Variants in WDR36 observed in about 807,000 individuals in gnomAD.
The protein encoded by WDR36 is WD repeat domain 36.
WDR36 carries 63 observed loss-of-function variants against 112.7 expected under a neutral mutation model. The observed-to-expected ratio is 0.56, with a 90% confidence interval of 0.46 to 0.69. The LOEUF (loss-of-function observed/expected upper bound fraction) is 0.69, where lower values mean the gene tolerates loss of function less well. WDR36 is among the 30% of genes least tolerant of loss of function. WDR36 has a pLI of 0.00. For synonymous variants in WDR36, 410 were observed against 362.2 expected, an observed-to-expected ratio of 1.13 and a Z score of -1.50; for missense variants, 1,226 against 1,070.3, an observed-to-expected ratio of 1.15 and a Z score of -2.03.
In WDR36 at chr5:111,130,092, G is replaced by A. The variant is rs1753761134; in HGVS notation, c.*3209G>A. The A allele has an allele frequency of 4.8e-6, 1 of 210,116 alleles. No individual in the cohort carries two copies. Among genetic ancestry groups the A allele is most frequent in the African/African-American group, 2.3e-5 (1 of 44,046 alleles). The allele number at this position is 210,116 out of a possible 1,614,324, so 13.0% of individuals were successfully genotyped here. On this transcript the variant is annotated 3_prime_UTR_variant, in exon 23 of 23. Coordinates refer to ENST00000513710, the MANE Select transcript of WDR36 (RefSeq NM_139281.3). ...TTCTATAAAAATTGGTTAACTGCTG[G>A]TGAGCACATCTCTTGAAGTTTTGAT...
At chr5:111,100,896 T>C (rs181468721) in intron 5 of WDR36, among the ~76,000 whole-genome samples, 175 bp downstream of exon 5, 1 of 151,890 alleles carries the variant, frequency 6.6e-6, no homozygotes, top group Non-Finnish European at 1.5e-5. Context: ...ATCAAAAATA[T>C]TCAAGGAAAA....
At chr5:111,116,011 C>T (rs892137590) in intron 16 of WDR36, among the ~76,000 whole-genome samples, 13 of 151,638 alleles carry the variant, frequency 8.6e-5, no homozygotes, top group Admixed American at 7.2e-4. Flanking sequence ...GGTACGATCT[C>T]GGCTCAGTGC....
intron 1 of WDR36, 146 bp from the exon 2 acceptor site, chr5:111,094,774 T>C: frequency 3.0e-6 from 2 of 676,986 alleles, no homozygotes; most frequent in Non-Finnish European, 5.0e-6. Flanking sequence ...ACTTTCCTAA[T>C]AAAGAAAATT....
At position 111,113,153 on chromosome 5, in the gene WDR36, G is replaced by C; in HGVS notation, c.1796G>C (p.Cys599Ser). Residue 599 changes from cysteine to serine, a missense_variant and splice_region_variant, in exon 16 of 23, where the codon TGC becomes TCC. Transcript: ENST00000513710. ...AGGACTTGGGACCTTCCTTCTGGGT[G>C]GTAAGTTTATATTTCTAATTCCCTA... ...SIRTWDLPSG[C>S]LIDCFLLDSA... The C allele has an allele frequency of 6.3e-7, 1 of 1,576,416 alleles. No homozygotes were observed. Among genetic ancestry groups the C allele is most frequent in the Non-Finnish European group, 8.7e-7 (1 of 1,153,356 alleles).
In WDR36 at chr5:111,125,521, A is replaced by G. The variant is rs915779370; in HGVS notation, c.2351-87A>G. On this transcript the variant is annotated intron_variant, in intron 21 of 22. Coordinates refer to ENST00000513710, the MANE Select transcript of WDR36 (RefSeq NM_139281.3). ...AGAATTTCCTGTACCATTTAAATAT[A>G]TCCTATTTGGGGTATAAAAGGAAAA... 31 of 1,314,274 alleles carry G rather than the reference A, an allele frequency of 2.4e-5. No homozygotes were observed. In the Middle Eastern group the frequency reaches 5.6e-4, roughly 24 times the overall value. The allele number at this position is 1,314,274 out of a possible 1,614,324, so 81.4% of individuals were successfully genotyped here.
intron 4 of WDR36, among the ~76,000 whole-genome samples, chr5:111,099,102 T>C (rs1282321869): frequency 6.6e-6 from 1 of 152,176 alleles, no homozygotes; most frequent in Non-Finnish European, 1.5e-5. Flanking sequence ...TTTAATGATT[T>C]GTTGTATTGT....
chr5:111,096,327 G>A lies in WDR36; in HGVS notation c.191-752G>A, dbSNP rs775790266. 4.6e-5 allele frequency among the ~76,000 whole-genome samples: 7 copies of A among 152,296 alleles called. No homozygotes were observed. In the East Asian group the frequency reaches 1.2e-3, roughly 25 times the overall value. On this transcript the variant is annotated intron_variant, in intron 2 of 22. Transcript: ENST00000513710. The stretch of plus-strand genomic sequence containing the variant: ...TACCATATGTAATATTTTTGGGTTG[G>A]TCCAAAGGGTAGAGTTAGAGATTTA...
Position 111,104,298 on chromosome 5 carries a change from A to T in WDR36, c.852A>T (p.Thr284=). ...NAHSTAIAGL[T]FLHREPLLVT... is the part of the protein sequence containing the mutation. Reference sequence around the variant, plus strand: ...ACTCTACAGCAATTGCCGGACTGACATTTCTCCATAGAGAGCCACTTCTTG... The same window carrying T: ...ACTCTACAGCAATTGCCGGACTGACTTTTCTCCATAGAGAGCCACTTCTTG... The change falls in exon 8 of 23, where the codon ACA becomes ACT. Residue 284 remains threonine (T), a synonymous_variant. Coordinates refer to ENST00000513710, the MANE Select transcript of WDR36 (RefSeq NM_139281.3). The T allele has an allele frequency of 6.2e-7, 1 of 1,612,152 alleles. No individual in the cohort carries two copies. Among genetic ancestry groups the T allele is most frequent in the Non-Finnish European group, 8.5e-7 (1 of 1,178,578 alleles).
chr5:111,121,282 C>A, intron 19 of WDR36, 141 bp downstream of exon 19: 1 of 855,530 alleles, frequency 1.2e-6, no homozygotes, highest in Non-Finnish European at 1.9e-6. Context: ...GCTATTTAAT[C>A]AAATATTGTT....
At chr5:111,102,212 A>G (rs533403539) in intron 5 of WDR36, 133 bp from the exon 6 acceptor site, 2 of 709,430 alleles carry the variant, frequency 2.8e-6, no homozygotes, top group Non-Finnish European at 4.7e-6. Context: ...TAGCTTAATC[A>G]TCAGAATAGT....
intron 5 of WDR36, among the ~76,000 whole-genome samples, chr5:111,101,193 G>A (rs913560341): frequency 1.3e-5 from 2 of 151,812 alleles, no homozygotes; most frequent in Non-Finnish European, 2.9e-5. Context: ...GTTGTTGCTG[G>A]TGGCATCACA....
intron 12 of WDR36, among the ~76,000 whole-genome samples, chr5:111,107,846 G>A (rs558342261): frequency 1.3e-5 from 2 of 151,394 alleles, no homozygotes; most frequent in South Asian, 4.1e-4. Flanking sequence ...TGATCTGTAT[G>A]TCTGTTCTTA....
rs1278455773 is a variant in WDR36 at position 111,097,110 on chromosome 5, GGCA to G, written c.225_227del (p.Ala76del). On this transcript the variant is annotated inframe_deletion, in exon 3 of 23. Coordinates refer to ENST00000513710, the MANE Select transcript of WDR36 (RefSeq NM_139281.3). ...CTGTTCCACAGGATATCTGCTGTAT[GGCA>G]GCTGATGGCAGATTAGTCTTTGCTG... is the stretch of plus-strand genomic sequence containing the variant. 6.2e-7 allele frequency: 1 copy of G among 1,613,478 alleles called. No individual in the cohort carries two copies. Among genetic ancestry groups the G allele is most frequent in the East Asian group, 2.2e-5 (1 of 44,818 alleles).
intron 11 of WDR36, among the ~76,000 whole-genome samples, chr5:111,106,674 G>C (rs79411074): frequency 0.021 from 3,174 of 151,490 alleles, 51 homozygotes; most frequent in Non-Finnish European, 0.03. Flanking sequence ...CTCAGAGCTT[G>C]AGTCATGTTT....
At position 111,123,883 on chromosome 5, in the gene WDR36, C is replaced by T. The variant is rs565593961; in HGVS notation, c.2227C>T (p.Pro743Ser). ...FFIPTIPGLV[P>S]RYAAPEQNND... The stretch of plus-strand genomic sequence containing the variant: ...CATTCCAACAATTCCTGGCCTTGTA[C>T]CCAGATATGCTGCACCTGAACAAAA... Residue 743 changes from proline to serine, a missense_variant, in exon 20 of 23, where the codon CCC becomes TCC. By Grantham distance (74) the Pro-to-Ser change is moderately conservative. Coordinates refer to ENST00000513710, the MANE Select transcript of WDR36 (RefSeq NM_139281.3). 1 of 1,613,830 alleles carries T rather than the reference C, an allele frequency of 6.2e-7. No homozygotes were observed. Among genetic ancestry groups the T allele is most frequent in the Admixed American group, 1.7e-5 (1 of 60,014 alleles).
At chr5:111,100,011 G>A (rs535530025) in intron 4 of WDR36, among the ~76,000 whole-genome samples, 1 of 151,828 alleles carries the variant, frequency 6.6e-6, no homozygotes, top group Non-Finnish European at 1.5e-5. Flanking sequence ...TTTTATCTTG[G>A]AGCAAGTGAC....
At chr5:111,115,872 A>T (rs770288086) in intron 16 of WDR36, among the ~76,000 whole-genome samples, 3 of 152,128 alleles carry the variant, frequency 2.0e-5, no homozygotes, top group Non-Finnish European at 4.4e-5. Flanking sequence ...TAAAATTATC[A>T]TTCCTCTGCC....
Position 111,098,853 on chromosome 5 carries a change from C to T in WDR36, c.409+14C>T. The T allele has an allele frequency of 2.0e-6, 3 of 1,490,716 alleles. No individual in the cohort carries two copies. The allele number at this position is 1,490,716 out of a possible 1,614,324, so 92.3% of individuals were successfully genotyped here. ...TATATTCAGAAGGTAAGAGTTAACT[C>T]ATTTATTTGCTTTATCTTAGGGTAG... On this transcript the variant is annotated intron_variant, in intron 4 of 22. Coordinates refer to ENST00000513710, the MANE Select transcript of WDR36 (RefSeq NM_139281.3).
Position 111,106,560 on chromosome 5 carries a change from A to G in WDR36, c.1180+417A>G, listed in dbSNP as rs191782507. On this transcript the variant is annotated intron_variant, in intron 11 of 22. Transcript: ENST00000513710. ...CCACTTTCAAAGAAGTGATTTTAAG[A>G]AAAATATAGATAATGGGTTTGTTGC... Among the ~76,000 whole-genome samples, 1,329 of 151,562 alleles carry G rather than the reference A, an allele frequency of 8.8e-3. 58 individuals are homozygous for G. Among genetic ancestry groups the G allele is most frequent in the Admixed American group, 0.072 (1,096 of 15,154 alleles).
Sources: gnomAD v4.1 joint callset for allele counts (sites outside exome capture counted in the v4.1 genomes callset) on GRCh38, gnomAD v4.1.1 for gene constraint, MANE v1.5 for transcripts, NCBI Gene and HGNC (gene_info 2026-07-23, HGNC 2026-07-21) for gene names.